TMIGD1: variants seen among roughly 807,000 people sequenced by gnomAD.
TMIGD1 encodes the protein transmembrane and immunoglobulin domain containing 1.
Under a neutral mutation model 27.5 loss-of-function variants are expected in TMIGD1, and 29 were observed. The ratio of observed to expected loss-of-function variants is 1.05; its 90% CI spans 0.78 to 1.44. TMIGD1 has a LOEUF of 1.44. Among genes scored for constraint, TMIGD1 ranks in the 40% most tolerant of loss-of-function variants. The probability of loss-of-function intolerance (pLI) is 0.00; values close to 1 mark genes in which losing one functional copy is unlikely to be tolerated. For missense variants in TMIGD1, 334 were observed against 310.6 expected, an observed-to-expected ratio of 1.08 and a Z score of -0.57; for synonymous variants, 109 against 110.3, an observed-to-expected ratio of 0.99 and a Z score of 0.07.
At chr17:30,325,159 G>A (rs1483090998) in intron 3 of TMIGD1, 65 bp from the exon 4 acceptor site, 13 of 1,501,684 alleles carry the variant, frequency 8.7e-6, no homozygotes, top group African/African-American at 2.8e-5. Context: ...AGAGTTCAAA[G>A]TCTTCCTTCA....
intron 2 of TMIGD1, among the ~76,000 whole-genome samples, chr17:30,330,515 A>C (rs192036844): frequency 6.6e-6 from 1 of 152,374 alleles, no homozygotes; most frequent in African/African-American, 2.4e-5. Context: ...GCACATGCAG[A>C]TGAGTAAGAA....
At chr17:30,328,549 T>C (rs1345617464) in intron 3 of TMIGD1, among the ~76,000 whole-genome samples, 1 of 151,850 alleles carries the variant, frequency 6.6e-6, no homozygotes, top group Admixed American at 6.6e-5. Flanking sequence ...GAAAAAAGCA[T>C]AAAACCCAAC....
intron 5 of TMIGD1, 85 bp from the exon 6 acceptor site, chr17:30,317,318 A>G: frequency 6.7e-7 from 1 of 1,489,236 alleles, no homozygotes; most frequent in Non-Finnish European, 9.3e-7. Context: ...GCTCGAGGAC[A>G]GGTGTGTGTC....
At chr17:30,329,595 G>T in intron 2 of TMIGD1, 66 bp from the exon 3 acceptor site, 2 of 1,390,120 alleles carry the variant, frequency 1.4e-6, no homozygotes, top group South Asian at 1.3e-5. Flanking sequence ...ATGAACAGGG[G>T]ATTGGTTAAA....
intron 4 of TMIGD1, among the ~76,000 whole-genome samples, chr17:30,319,261 A>AAAAAAAATATATATATATATATATATAT: frequency 4.3e-5 from 3 of 69,040 alleles, no homozygotes; most frequent in African/African-American, 2.7e-4. Context: ...AAAAAAAAAA[A>AAAAAAAATATATATATATATATATATAT]ATATATATAT....
intron 2 of TMIGD1, among the ~76,000 whole-genome samples, chr17:30,330,544 C>T (rs1909942500): frequency 2.0e-5 from 3 of 152,152 alleles, no homozygotes; most frequent in African/African-American, 7.2e-5. Flanking sequence ...AAAACATTTT[C>T]TGCTTAAATG....
rs760919688 is a variant in TMIGD1, at chr17:30,329,574, C to T, written c.83-45G>A. The T allele has an allele frequency of 5.2e-6, 8 of 1,531,890 alleles. No individual in the cohort carries two copies. The South Asian group carries it at 7.1e-5, about 14-fold the overall frequency. 94.9% of individuals were successfully genotyped at this position (1,531,890 alleles called of 1,614,324 possible). A position where few individuals can be genotyped will look rare whatever the true frequency, so the allele number is the denominator to read the frequency against. ...CTATTTAGATATACAGAGTAAACAACCTTAATGCTCATGAACAGGGGATTG... is the reference window on the plus strand; with the variant it reads ...CTATTTAGATATACAGAGTAAACAATCTTAATGCTCATGAACAGGGGATTG... On this transcript the variant is annotated intron_variant, in intron 2 of 6. Coordinates refer to ENST00000328886, the MANE Select transcript of TMIGD1 (RefSeq NM_206832.3).
At chr17:30,323,256 G>A (rs1351041464) in intron 4 of TMIGD1, among the ~76,000 whole-genome samples, 1 of 152,166 alleles carries the variant, frequency 6.6e-6, no homozygotes, top group Non-Finnish European at 1.5e-5. Context: ...CTGTTTTATG[G>A]TCTCATTTGT....
intron 4 of TMIGD1, among the ~76,000 whole-genome samples, chr17:30,322,502 A>T (rs544662702): frequency 1.3e-5 from 2 of 152,048 alleles, no homozygotes; most frequent in East Asian, 3.9e-4. Flanking sequence ...TTTTATTTTT[A>T]TTTATTTATT....
In TMIGD1 at chr17:30,332,079, T is replaced by C. The variant is rs773741116; in HGVS notation, c.55A>G (p.Ile19Val). Residue 19 changes from isoleucine to valine, a missense_variant, in exon 2 of 7, where the codon ATT becomes GTT. Coordinates refer to ENST00000328886, the MANE Select transcript of TMIGD1 (RefSeq NM_206832.3). Reference protein sequence around the residue: ...MQMGRFLLLVILFLPREMTSS... With the variant: ...MQMGRFLLLVVLFLPREMTSS... ...GTCATCTCACGTGGCAGAAATAAAATTACTAAGAGAAGAAATCTTCCCATT... is the reference window on the plus strand; with the variant it reads ...GTCATCTCACGTGGCAGAAATAAAACTACTAAGAGAAGAAATCTTCCCATT... The C allele has an allele frequency of 6.2e-7, 1 of 1,613,240 alleles. No individual in the cohort carries two copies. Among genetic ancestry groups the C allele is most frequent in the Non-Finnish European group, 8.5e-7 (1 of 1,179,550 alleles).
chr17:30,333,181 C>T lies in TMIGD1; in HGVS notation c.-26+819G>A, dbSNP rs1910037188. Reference sequence around the variant, plus strand: ...CAGTGGCTCATGCCTGTAATCCCAGCACTTTAGGAGCTGAGGCAGGTGGAT... The same window carrying T: ...CAGTGGCTCATGCCTGTAATCCCAGTACTTTAGGAGCTGAGGCAGGTGGAT... On this transcript the variant is annotated intron_variant, in intron 1 of 6. Coordinates refer to ENST00000328886, the MANE Select transcript of TMIGD1 (RefSeq NM_206832.3). 2.0e-5 allele frequency among the ~76,000 whole-genome samples: 3 copies of T among 151,384 alleles called. No individual in the cohort carries two copies. The South Asian group carries it at 6.3e-4, about 32-fold the overall frequency.
At chr17:30,319,261 A>AAAAAAAAAAAAAAAAAATATATATATAT in intron 4 of TMIGD1, among the ~76,000 whole-genome samples, 30 of 68,974 alleles carry the variant, frequency 4.3e-4, no homozygotes, top group African/African-American at 9.1e-4. Context: ...AAAAAAAAAA[A>AAAAAAAAAAAAAAAAAATATATATATAT]ATATATATAT....
At chr17:30,329,685 GA>G (rs570447100) in intron 2 of TMIGD1, among the ~76,000 whole-genome samples, 156 bp from the exon 3 acceptor site, 56 of 152,172 alleles carry the variant, frequency 3.7e-4, no homozygotes, top group African/African-American at 1.3e-3. Context: ...ATTTTATAAT[GA>G]AAAATATTCA....
At chr17:30,327,564 A>T (rs1261299219) in intron 3 of TMIGD1, among the ~76,000 whole-genome samples, 3 of 151,294 alleles carry the variant, frequency 2.0e-5, no homozygotes, top group African/African-American at 4.9e-5. Flanking sequence ...ATTTTATTTT[A>T]TTTTATTTTT....
At chr17:30,333,705 A>G (rs1910057969) in intron 1 of TMIGD1, among the ~76,000 whole-genome samples, 1 of 152,136 alleles carries the variant, frequency 6.6e-6, no homozygotes, top group African/African-American at 2.4e-5. Flanking sequence ...ATTCTTTTGT[A>G]ATTTTAAATA....
chr17:30,332,778 C>T (rs977338756), intron 1 of TMIGD1, among the ~76,000 whole-genome samples: 1 of 152,120 alleles, frequency 6.6e-6, no homozygotes, highest in Non-Finnish European at 1.5e-5. Context: ...CTTCAACTCT[C>T]CCTCTCCCTA....
intron 4 of TMIGD1, among the ~76,000 whole-genome samples, chr17:30,319,220 A>G (rs555855811): frequency 1.4e-5 from 2 of 144,162 alleles, no homozygotes; most frequent in Admixed American, 7.0e-5. Flanking sequence ...CCTGGCCCAC[A>G]TGGTGAAACC....
chr17:30,318,253 T>G (rs569446774), intron 5 of TMIGD1, among the ~76,000 whole-genome samples: 1 of 152,302 alleles, frequency 6.6e-6, no homozygotes, highest in South Asian at 2.1e-4. Flanking sequence ...GCCTAGGGCT[T>G]TCTGCCTTTT....
At chr17:30,326,806 GGT>G (rs1187979926) in intron 3 of TMIGD1, among the ~76,000 whole-genome samples, 1 of 152,100 alleles carries the variant, frequency 6.6e-6, no homozygotes, top group African/African-American at 2.4e-5. Context: ...TTTTGAAAGA[GGT>G]GTTCTCAATT....
Sources: allele counts gnomAD v4.1 joint callset (sites outside exome capture counted in the v4.1 genomes callset), GRCh38; gene constraint gnomAD v4.1.1; transcripts MANE v1.5; gene names NCBI Gene and HGNC (gene_info 2026-07-23, HGNC 2026-07-21).